TMEM8B: variants seen among roughly 807,000 people sequenced by gnomAD.
TMEM8B encodes the protein nasopharyngeal carcinoma expressed 6.
In TMEM8B, 29 loss-of-function variants were observed where a neutral mutation model predicts 49.3. The observed-to-expected ratio is 0.59, with a 90% CI of 0.44 to 0.80. The LOEUF is 0.80. TMEM8B is among the 30% of genes least tolerant of loss of function. The pLI, the probability that TMEM8B is intolerant of heterozygous loss-of-function variation, is 0.00. For synonymous variants in TMEM8B, 264 were observed against 272.8 expected (o/e 0.97, Z 0.32); for missense variants, 575 against 658.5 (o/e 0.87, Z 1.39).
At chr9:35,838,018 C>T (rs1324978865) in intron 3 of TMEM8B, among the ~76,000 whole-genome samples, 2 of 152,194 alleles carry the variant, frequency 1.3e-5, no homozygotes, top group Middle Eastern at 3.4e-3. Context: ...AAAGCAACTA[C>T]GAGGAAAGTG....
In TMEM8B at chr9:35,861,614, C is replaced by G. The variant is rs898409115; in HGVS notation, c.*7774C>G. 1.3e-5 allele frequency: 2 copies of G among 152,682 alleles called. No individual in the cohort carries two copies. The highest frequency in any genetic ancestry group is 3.9e-4 in the East Asian group (2 of 5,180). The allele number at this position is 152,682 out of a possible 1,614,324, so 9.5% of individuals were successfully genotyped here. On this transcript the variant is annotated 3_prime_UTR_variant, in exon 13 of 13. Transcript: ENST00000643932. ...ACGACTCCAAAACCCAGCTTTGCCT[C>G]CTGGCTGTAGTTCAGACTAGCTGTG...
Position 35,853,477 on chromosome 9 carries a change from C to A in TMEM8B, c.2440-28C>A. On this transcript the variant is annotated intron_variant, in intron 12 of 12. Coordinates refer to ENST00000643932, the MANE Select transcript of TMEM8B (RefSeq NM_001042590.4). The surrounding 1 kb of genome is among the most constrained non-coding windows in gnomAD (Gnocchi z 4.2). Reference sequence around the variant, plus strand: ...GCTTGGGTTCCAGGGCTTGGCATTCCTGAGCCCCACTTCTCTGTCTCCCCC... The same window carrying A: ...GCTTGGGTTCCAGGGCTTGGCATTCATGAGCCCCACTTCTCTGTCTCCCCC... The A allele has an allele frequency of 6.3e-7, 1 of 1,593,494 alleles. No individual in the cohort carries two copies. Among genetic ancestry groups the A allele is most frequent in the Non-Finnish European group, 8.5e-7 (1 of 1,170,514 alleles).
In TMEM8B at chr9:35,861,031, A is replaced by T. The variant is rs1832643239; in HGVS notation, c.*7191A>T. The T allele has an allele frequency of 1.3e-5, 2 of 152,202 alleles. No individual in the cohort carries two copies. The highest frequency in any genetic ancestry group is 1.3e-4 in the Admixed American group (2 of 15,286). The allele number at this position is 152,202 out of a possible 1,614,324, so 9.4% of individuals were successfully genotyped here. A position where few individuals can be genotyped will look rare whatever the true frequency, so the allele number is the denominator to read the frequency against. ...CTTGTTAGAACTGGAAAAATGTCTTATGGCCAGGTGGCCCCTGGTCTGAAG... is the reference window on the plus strand; with the variant it reads ...CTTGTTAGAACTGGAAAAATGTCTTTTGGCCAGGTGGCCCCTGGTCTGAAG... On this transcript the variant is annotated 3_prime_UTR_variant, in exon 13 of 13. Transcript: ENST00000643932.
rs200167265 is a variant in TMEM8B, at chr9:35,847,147, C to A, written c.2175+152C>A. ...GAGACAGCAGTGCTTCCCAAACTGT[C>A]ATGCATAGATAATGGTCATTTTTGT... On this transcript the variant is annotated intron_variant, in intron 10 of 12. Coordinates refer to ENST00000643932, the MANE Select transcript of TMEM8B (RefSeq NM_001042590.4). 3 of 1,612,494 alleles carry A rather than the reference C, an allele frequency of 1.9e-6. No individual in the cohort carries two copies. The African/African-American group carries it at 4.0e-5, about 22-fold the overall frequency.
rs528242171 is a variant in TMEM8B at position 35,859,487 on chromosome 9, G to A, written c.*5647G>A. ...AGTTGATGACGTGGCCACAGAAGGG[G>A]AGGTGCCAGACAAGGATGGACTGTA... On this transcript the variant is annotated 3_prime_UTR_variant, in exon 13 of 13. Coordinates refer to ENST00000643932, the MANE Select transcript of TMEM8B (RefSeq NM_001042590.4). 6.5e-6 allele frequency: 1 copy of A among 153,704 alleles called. No homozygotes were observed. The highest frequency in any genetic ancestry group is 2.1e-4 in the South Asian group (1 of 4,852). The allele number at this position is 153,704 out of a possible 1,614,324, so 9.5% of individuals were successfully genotyped here. A position where few individuals can be genotyped will look rare whatever the true frequency, so the allele number is the denominator to read the frequency against.
At chr9:35,847,020 T>C (rs145056456) in intron 10 of TMEM8B, 25 bp downstream of exon 10, 157 of 1,614,106 alleles carry the variant, frequency 9.7e-5, no homozygotes, top group Non-Finnish European at 1.3e-4. Flanking sequence ...CTGCATCTTA[T>C]CACTGGGTGC....
chr9:35,852,406 A>G (rs1342781530), intron 10 of TMEM8B, among the ~76,000 whole-genome samples: 1 of 152,152 alleles, frequency 6.6e-6, no homozygotes, highest in Non-Finnish European at 1.5e-5. Flanking sequence ...TAGCAGGGGA[A>G]ACTGGGACAT....
chr9:35,853,698 C>T lies in TMEM8B; in HGVS notation c.2633C>T (p.Pro878Leu), dbSNP rs768158180. ...GCGGGCAGTGTGGGCTTCCTGCTGC[C>T]CCCTCGTGCCAAGACTGACCACGGG... ...LIAGSVGFLL[P>L]PRAKTDHGVP... The change falls in exon 13 of 13, where the codon CCC becomes CTC. Residue 878 changes from proline to leucine, a missense_variant. By Grantham distance (98) the Pro-to-Leu change is moderately conservative (BLOSUM62 -3). Transcript: ENST00000643932. The surrounding 1 kb of genome is among the most constrained non-coding windows in gnomAD (Gnocchi z 4.2). The T allele has an allele frequency of 1.2e-6, 2 of 1,614,142 alleles. No individual in the cohort carries two copies. The highest frequency in any genetic ancestry group is 1.7e-6 in the Non-Finnish European group (2 of 1,180,016).
chr9:35,846,983 G>A lies in TMEM8B; in HGVS notation c.2163G>A (p.Met721Ile). The change falls in exon 10 of 13, where the codon ATG becomes ATA. Residue 721 changes from methionine (M) to isoleucine (I), a missense_variant. By Grantham distance (10) the Met-to-Ile change is conservative. Coordinates refer to ENST00000643932, the MANE Select transcript of TMEM8B (RefSeq NM_001042590.4). ...AAGCTGCAGTCTACACCTTCACCAT[G>A]TTCTTCTCCACGGTATGCGGTGGTG... The part of the protein sequence containing the change: ...VLEAAVYTFT[M>I]FFSTFYHACD... 6.2e-7 allele frequency: 1 copy of A among 1,614,212 alleles called. No individual in the cohort carries two copies. The highest frequency in any genetic ancestry group is 8.5e-7 in the Non-Finnish European group (1 of 1,180,038).
rs772703867 is a variant in TMEM8B at position 35,842,400 on chromosome 9, C to G, written c.1318C>G (p.Gln440Glu). Residue 440 changes from glutamine to glutamate, a missense_variant, in exon 6 of 13, where the codon CAG becomes GAG. Gln to Glu is a conservative substitution (Grantham distance 29). Transcript: ENST00000643932. This position sits in a 1 kb window ranked among gnomAD's most constrained non-coding sequence, Gnocchi z 5.6. ...TTTCCTCTGCCCCACAGAGTGCCCACAGCCCGGCCTGCTCCGAGCCCTGGT... is the reference window on the plus strand; with the variant it reads ...TTTCCTCTGCCCCACAGAGTGCCCAGAGCCCGGCCTGCTCCGAGCCCTGGT... ...QLCVRLQECP[Q>E]PGLLRALVPG... 2 of 1,521,086 alleles carry G rather than the reference C, an allele frequency of 1.3e-6. No individual in the cohort carries two copies. The highest frequency in any genetic ancestry group is 8.8e-7 in the Non-Finnish European group (1 of 1,134,024). 94.2% of individuals were successfully genotyped at this position (1,521,086 alleles called of 1,614,324 possible). A position where few individuals can be genotyped will look rare whatever the true frequency, so the allele number is the denominator to read the frequency against.
intron 10 of TMEM8B, among the ~76,000 whole-genome samples, chr9:35,851,283 A>ACTTGG (rs2132387854): frequency 7.0e-6 from 1 of 143,052 alleles, no homozygotes; most frequent in African/African-American, 2.7e-5. Flanking sequence ...AGCTGGGACT[A>ACTTGG]TAGGCACACG....
intron 6 of TMEM8B, 29 bp from the exon 7 acceptor site, chr9:35,845,946 G>T (rs1453658801): frequency 1.2e-5 from 20 of 1,612,458 alleles, no homozygotes; most frequent in Non-Finnish European, 1.7e-5. Flanking sequence ...AGGATGTGGC[G>T]GCCTCACTTC....
At chr9:35,852,719 C>T in intron 10 of TMEM8B, 108 bp from the exon 11 acceptor site, 2 of 1,303,970 alleles carry the variant, frequency 1.5e-6, no homozygotes, top group Non-Finnish European at 1.1e-6. Flanking sequence ...TGACCTTTCA[C>T]CTCTGCTGCA....
Position 35,846,000 on chromosome 9 carries a change from CG to C in TMEM8B, c.1663del (p.Val555CysfsTer5). On this transcript the variant is annotated frameshift_variant, in exon 7 of 13. Transcript: ENST00000643932. LOFTEE classifies it high-confidence loss of function. ...NASSVRQENV[T>X]VFGCLTHEVP... is the part of the protein sequence containing the mutation. Reference sequence around the variant, plus strand: ...AGCTCCGTGCGCCAGGAAAACGTGACGGTGTTTGGATGCTTGACTCACGAGG... The same window carrying C: ...AGCTCCGTGCGCCAGGAAAACGTGACGTGTTTGGATGCTTGACTCACGAGG... 1 of 1,613,600 alleles carries C rather than the reference CG, an allele frequency of 6.2e-7. No individual in the cohort carries two copies. The highest frequency in any genetic ancestry group is 8.5e-7 in the Non-Finnish European group (1 of 1,179,934).
At position 35,863,669 on chromosome 9, in the gene TMEM8B, A is replaced by C. The variant is rs577484911; in HGVS notation, c.*9829A>C. ...TTTCCCGGTGGCTCAGGGTTCTCAG[A>C]GCCCCTGGCAGATGGAGGCTCCACC... is the stretch of plus-strand genomic sequence containing the variant. On this transcript the variant is annotated 3_prime_UTR_variant, in exon 13 of 13. Coordinates refer to ENST00000643932, the MANE Select transcript of TMEM8B (RefSeq NM_001042590.4). The C allele has an allele frequency of 2.0e-5, 3 of 152,292 alleles. No homozygotes were observed. Among genetic ancestry groups the C allele is most frequent in the African/African-American group, 7.2e-5 (3 of 41,554 alleles). The allele number at this position is 152,292 out of a possible 1,614,324, so 9.4% of individuals were successfully genotyped here.
In TMEM8B at chr9:35,859,939, CA is replaced by C. The variant is rs1832621088; in HGVS notation, c.*6100del. ...GGTTACAGTGCTCGTGTAGCCCCAT[CA>C]GGACGTATTCCGTCACAGCTGTCTG... is the stretch of plus-strand genomic sequence containing the variant. On this transcript the variant is annotated 3_prime_UTR_variant, in exon 13 of 13. Coordinates refer to ENST00000643932, the MANE Select transcript of TMEM8B (RefSeq NM_001042590.4). The C allele has an allele frequency of 6.5e-6, 1 of 152,900 alleles. No individual in the cohort carries two copies. The allele number at this position is 152,900 out of a possible 1,614,324, so 9.5% of individuals were successfully genotyped here. A position where few individuals can be genotyped will look rare whatever the true frequency, so the allele number is the denominator to read the frequency against.
chr9:35,847,482 A>G (rs763344305), intron 10 of TMEM8B, among the ~76,000 whole-genome samples: 5 of 152,234 alleles, frequency 3.3e-5, no homozygotes, highest in African/African-American at 4.8e-5. Context: ...GGACCTGCAC[A>G]TCGTTAGCAC....
intron 10 of TMEM8B, among the ~76,000 whole-genome samples, chr9:35,849,865 G>C (rs114168051): frequency 7.2e-5 from 11 of 152,158 alleles, no homozygotes; most frequent in Admixed American, 5.9e-4. Context: ...ACTTGAACCC[G>C]TACTGTTCAA....
rs899837279 is a variant in TMEM8B at position 35,855,142 on chromosome 9, G to C, written c.*1302G>C. 1 of 152,182 alleles carries C rather than the reference G, an allele frequency of 6.6e-6. No homozygotes were observed. Among genetic ancestry groups the C allele is most frequent in the Admixed American group, 6.5e-5 (1 of 15,284 alleles). 9.4% of individuals were successfully genotyped at this position (152,182 alleles called of 1,614,324 possible). On this transcript the variant is annotated 3_prime_UTR_variant, in exon 13 of 13. Transcript: ENST00000643932. Reference sequence around the variant, plus strand: ...ACTTCTGGGCCATATGTGGAGACCCGTAAAGTTGTCTAAGGCCTTGGCTAT... The same window carrying C: ...ACTTCTGGGCCATATGTGGAGACCCCTAAAGTTGTCTAAGGCCTTGGCTAT...
Sources: gnomAD v4.1 joint callset for allele counts (sites outside exome capture counted in the v4.1 genomes callset) on GRCh38, gnomAD v4.1.1 for gene constraint, Gnocchi (gnomAD v3.1) non-coding constraint, MANE v1.5 for transcripts, NCBI Gene and HGNC (gene_info 2026-07-23, HGNC 2026-07-21) for gene names.